Variants in RFC5 observed in about 807,000 individuals in gnomAD.
The protein encoded by RFC5 is replication factor C subunit 5.
Under a neutral mutation model 44.3 loss-of-function variants are expected in RFC5, and 26 were observed. That is an observed-to-expected ratio of 0.59 (90% confidence interval 0.43 to 0.81). The LOEUF is 0.81. Among genes scored for constraint, RFC5 ranks in the 40% least tolerant of loss-of-function variants. RFC5 has a pLI of 0.00. For synonymous variants in RFC5, 155 were observed against 155.2 expected (o/e 1.00, Z 0.01); for missense variants, 328 against 418.6 (o/e 0.78, Z 1.89).
chr12:118,035,024 G>A (rs1662963959), downstream of RFC5: 1 of 1,614,020 alleles, frequency 6.2e-7, no homozygotes, highest in Admixed American at 1.7e-5. Context: ...AAAATGTGCA[G>A]CAAAGCCCAT....
chr12:118,033,966 A>G (rs1241761658), downstream of RFC5: 1 of 551,486 alleles, frequency 1.8e-6, no homozygotes, highest in Non-Finnish European at 3.2e-6. Context: ...ATTTAACGTA[A>G]GGCTCTGTTG....
At chr12:118,025,136 A>G in intron 6 of RFC5, 126 bp downstream of exon 6, 1 of 780,410 alleles carries the variant, frequency 1.3e-6, no homozygotes, top group Non-Finnish European at 2.0e-6. Flanking sequence ...AGCACAGGGG[A>G]GGCACTGGGG....
Position 118,031,387 on chromosome 12 carries a change from G to A in RFC5, c.*109G>A, listed in dbSNP as rs1449350359. On this transcript the variant is annotated 3_prime_UTR_variant, in exon 11 of 11. Coordinates refer to ENST00000454402, the MANE Select transcript of RFC5 (RefSeq NM_007370.7). ...GGCTGTGGGATGAATCAGTCACCCC[G>A]AATCTTGGAAAAACCCCCTTCCAGG... 1.4e-5 allele frequency: 9 copies of A among 666,488 alleles called. No individual in the cohort carries two copies. Among genetic ancestry groups the A allele is most frequent in the South Asian group, 6.6e-5 (3 of 45,178 alleles). The allele number at this position is 666,488 out of a possible 1,614,324, so 41.3% of individuals were successfully genotyped here. A position where few individuals can be genotyped will look rare whatever the true frequency, so the allele number is the denominator to read the frequency against.
chr12:118,040,698 G>A, the RFC5 span, among the ~76,000 whole-genome samples: 1 of 151,502 alleles, frequency 6.6e-6, no homozygotes, highest in South Asian at 2.1e-4. Context: ...AAGCTGTCCT[G>A]ATCAGCAGCA....
intron 3 of RFC5, 43 bp from the exon 4 acceptor site, chr12:118,020,863 C>T (rs1440361057): frequency 7.5e-7 from 1 of 1,324,920 alleles, no homozygotes; most frequent in East Asian, 2.3e-5. Context: ...ACAGATAGCA[C>T]AGCAACATGG....
downstream of RFC5, chr12:118,032,468 T>C (rs1163884300): frequency 1.3e-5 from 2 of 152,184 alleles, no homozygotes; most frequent in African/African-American, 4.8e-5. Flanking sequence ...ACTTGTTTTA[T>C]GTGTTTATTT....
intron 7 of RFC5, among the ~76,000 whole-genome samples, chr12:118,026,406 C>T (rs1298555109): frequency 6.6e-6 from 1 of 152,070 alleles, no homozygotes. Flanking sequence ...AGCTGGAGAC[C>T]AGCCTGGGCA....
chr12:118,024,012 T>A (rs1457205203), intron 5 of RFC5, among the ~76,000 whole-genome samples: 2 of 151,226 alleles, frequency 1.3e-5, no homozygotes, highest in African/African-American at 4.9e-5. Context: ...AGGTCAGGAG[T>A]TCGAGACCAG....
At chr12:118,034,583 G>GCTCTCTCTCTCTCTCTCTCTCTC (rs1555267406), downstream of RFC5, 11 of 538,150 alleles carry the variant, frequency 2.0e-5, no homozygotes, top group Non-Finnish European at 3.5e-5. Flanking sequence ...CGCTCTCTCT[G>GCTCTCTCTCTCTCTCTCTCTCTC]TCTCTCTCTC....
At chr12:118,018,668 G>A (rs2030271234) in intron 1 of RFC5, among the ~76,000 whole-genome samples, 1 of 151,952 alleles carries the variant, frequency 6.6e-6, no homozygotes, top group African/African-American at 2.4e-5. Context: ...GGAGTGCAGT[G>A]GTGCAATCTC....
At chr12:118,027,375 T>C (rs2031018614) in intron 8 of RFC5, 1 of 196,498 alleles carries the variant, frequency 5.1e-6, no homozygotes, top group African/African-American at 2.3e-5. Flanking sequence ...CAAAGCCTTT[T>C]TGGAAATGCA....
rs747672890 is a variant in RFC5 at position 118,020,908 on chromosome 12, G to A, written c.270G>A (p.Leu90=). The part of the protein sequence containing the change: ...DKEFGSMVLE[L]NASDDRGIDI... ...TGTCTTCTGTCTTCCACATTTAGCTGAATGCTTCAGATGACCGAGGAATAG... is the reference window on the plus strand; with the variant it reads ...TGTCTTCTGTCTTCCACATTTAGCTAAATGCTTCAGATGACCGAGGAATAG... Residue 90 remains leucine (L), a splice_region_variant and synonymous_variant, in exon 4 of 11, where the codon CTG becomes CTA. Coordinates refer to ENST00000454402, the MANE Select transcript of RFC5 (RefSeq NM_007370.7). 1 of 1,607,126 alleles carries A rather than the reference G, an allele frequency of 6.2e-7. No individual in the cohort carries two copies. The highest frequency in any genetic ancestry group is 1.1e-5 in the South Asian group (1 of 90,778).
At chr12:118,035,186 G>A (rs567767645), downstream of RFC5, 16 of 1,613,302 alleles carry the variant, frequency 9.9e-6, no homozygotes, top group Admixed American at 1.5e-4. Flanking sequence ...TTGTTCTGAG[G>A]CCATGTAAAG....
At chr12:118,024,731 T>G in intron 5 of RFC5, 120 bp from the exon 6 acceptor site, 1 of 811,270 alleles carries the variant, frequency 1.2e-6, no homozygotes, top group Non-Finnish European at 2.0e-6. Flanking sequence ...CATCCTCACT[T>G]GTTTGCAGTA....
intron 6 of RFC5, chr12:118,025,481 A>AT (rs1283072761): frequency 2.3e-6 from 1 of 433,036 alleles, no homozygotes; most frequent in Non-Finnish European, 4.2e-6. Context: ...AGAGAGCAGA[A>AT]TTCAAGACGA....
At chr12:118,028,148 C>T (rs756054699) in intron 9 of RFC5, 118 bp downstream of exon 9, 10 of 702,472 alleles carry the variant, frequency 1.4e-5, no homozygotes, top group Non-Finnish European at 2.6e-5. Flanking sequence ...AATTGTAAAT[C>T]AGACCCTTCT....
chr12:118,032,524 G>C (rs1299966590), downstream of RFC5: 1 of 152,118 alleles, frequency 6.6e-6, no homozygotes. Flanking sequence ...CTGGAATACC[G>C]TGACACGATC....
At chr12:118,016,954 G>A in intron 1 of RFC5, 62 bp downstream of exon 1, 3 of 1,357,320 alleles carry the variant, frequency 2.2e-6, no homozygotes, top group Non-Finnish European at 3.1e-6. Flanking sequence ...CGGGGAGGAG[G>A]TGGCTGGGGT....
At chr12:118,028,078 G>C in intron 9 of RFC5, 48 bp downstream of exon 9, 1 of 1,209,834 alleles carries the variant, frequency 8.3e-7, no homozygotes, top group East Asian at 2.3e-5. Context: ...AAGGTAGCCT[G>C]CTTTGGGGTT....
Sources: gnomAD v4.1 joint callset for allele counts (sites outside exome capture counted in the v4.1 genomes callset) on GRCh38, gnomAD v4.1.1 for gene constraint, MANE v1.5 for transcripts, NCBI Gene and HGNC (gene_info 2026-07-23, HGNC 2026-07-21) for gene names.